CYRIB: variants seen among roughly 807,000 people sequenced by gnomAD.
CYRIB encodes CYFIP-related Rac1 interactor B.
CYRIB carries 8 observed loss-of-function variants against 44.2 expected under a neutral mutation model. That is an observed-to-expected ratio of 0.18 (90% confidence interval 0.11 to 0.33). CYRIB has a LOEUF of 0.33. Ranked by LOEUF, CYRIB falls within the 10% of genes least tolerant of loss-of-function variation. The pLI is 1.00. For synonymous variants in CYRIB, 131 were observed against 127.2 expected (o/e 1.03, Z -0.20); for missense variants, 185 against 382.8 (o/e 0.48, Z 4.31).
intron 2 of CYRIB, among the ~76,000 whole-genome samples, chr8:129,967,827 CTGAAAGGACATCTAATCCTTACGTCTTCT>C (rs2095546572): frequency 6.6e-6 from 1 of 152,206 alleles, no homozygotes; most frequent in South Asian, 2.1e-4. Flanking sequence ...TGGAAGATGT[CTGAAAGGACATCTAATCCTTACGTCTTCT>C]AATACTGCCT....
chr8:129,942,321 G>A (rs1044347006), upstream of CYRIB, among the ~76,000 whole-genome samples: 1 of 152,108 alleles, frequency 6.6e-6, no homozygotes, highest in South Asian at 2.1e-4. Flanking sequence ...CCTGGATGAC[G>A]AGCGAAACAC....
At chr8:129,952,587 C>T (rs187258985) in intron 2 of CYRIB, among the ~76,000 whole-genome samples, 183 of 151,986 alleles carry the variant, frequency 1.2e-3, no homozygotes, top group African/African-American at 4.1e-3. Context: ...ACGTTTTGAA[C>T]CATTTTGTTT....
intron 4 of CYRIB, among the ~76,000 whole-genome samples, chr8:129,867,793 T>C (rs920059811): frequency 6.6e-6 from 1 of 152,230 alleles, no homozygotes; most frequent in Non-Finnish European, 1.5e-5. Flanking sequence ...ATACCAGTTT[T>C]TACATTGACA....
intron 1 of CYRIB, among the ~76,000 whole-genome samples, chr8:130,003,367 T>C (rs1564769588): frequency 1.3e-5 from 2 of 152,206 alleles, no homozygotes; most frequent in African/African-American, 2.4e-5. Context: ...TCAATTGCAA[T>C]AGTTGCCCAG....
intron 4 of CYRIB, among the ~76,000 whole-genome samples, chr8:129,869,566 C>T (rs1403522487): frequency 6.6e-6 from 1 of 151,932 alleles, no homozygotes; most frequent in Non-Finnish European, 1.5e-5. Flanking sequence ...TAATTAAGAT[C>T]CTACTAAATC....
chr8:129,908,697 A>G (rs114375627), intron 1 of CYRIB, among the ~76,000 whole-genome samples: 2,308 of 152,212 alleles, frequency 0.015, 67 homozygotes, highest in African/African-American at 0.053. Flanking sequence ...AACCATGTCT[A>G]ACAGCACCAG....
intron 2 of CYRIB, among the ~76,000 whole-genome samples, chr8:129,956,384 C>T (rs557512513): frequency 3.1e-4 from 47 of 152,254 alleles, no homozygotes; most frequent in African/African-American, 1.1e-3. Flanking sequence ...TTGTGTCCCA[C>T]CCCTAGAGTC....
chr8:130,015,345 C>T (rs552411947), intron 1 of CYRIB, among the ~76,000 whole-genome samples: 32 of 152,190 alleles, frequency 2.1e-4, no homozygotes, highest in Non-Finnish European at 4.0e-4. Flanking sequence ...CACTTTCTAT[C>T]ACTGCGCCCC....
chr8:129,962,719 C>G (rs932711819), intron 2 of CYRIB, among the ~76,000 whole-genome samples: 2 of 152,172 alleles, frequency 1.3e-5, no homozygotes, highest in Non-Finnish European at 2.9e-5. Context: ...AAACCCCACT[C>G]GGGGTATTGC....
intron 2 of CYRIB, among the ~76,000 whole-genome samples, chr8:129,967,333 T>C (rs1260915936): frequency 6.6e-6 from 1 of 152,042 alleles, no homozygotes; most frequent in Non-Finnish European, 1.5e-5. Flanking sequence ...CTTTTCTTTC[T>C]TCTTTTTCTT....
intron 2 of CYRIB, among the ~76,000 whole-genome samples, chr8:129,962,350 G>A (rs1192427319): frequency 1.3e-5 from 2 of 152,154 alleles, no homozygotes; most frequent in Non-Finnish European, 2.9e-5. Context: ...GAGGGAGGCA[G>A]GATGATTGCT....
At chr8:129,883,062 G>C (rs1194330614) in intron 2 of CYRIB, among the ~76,000 whole-genome samples, 2 of 117,212 alleles carry the variant, frequency 1.7e-5, no homozygotes, top group African/African-American at 3.3e-5. Context: ...AGGGAGCCAA[G>C]ATCACGCCAC....
At chr8:129,853,778 A>G (rs187517284) in intron 7 of CYRIB, among the ~76,000 whole-genome samples, 3 of 152,360 alleles carry the variant, frequency 2.0e-5, no homozygotes, top group East Asian at 1.9e-4. Flanking sequence ...TCAAACAGCT[A>G]TATCAGGCAC....
intron 2 of CYRIB, among the ~76,000 whole-genome samples, chr8:129,951,362 A>C (rs114695855): frequency 0.013 from 2,049 of 151,856 alleles, 53 homozygotes; most frequent in African/African-American, 0.047. Context: ...GGTTCTCAAT[A>C]CATTAAAATC....
chr8:130,015,161 C>A (rs906131571), intron 1 of CYRIB, among the ~76,000 whole-genome samples: 1 of 152,124 alleles, frequency 6.6e-6, no homozygotes, highest in Non-Finnish European at 1.5e-5. Context: ...CCCTGGAGAT[C>A]CTGGATGGAT....
intron 1 of CYRIB, among the ~76,000 whole-genome samples, chr8:129,920,988 G>A (rs113127398): frequency 1.3e-5 from 2 of 152,098 alleles, no homozygotes; most frequent in Admixed American, 1.3e-4. Flanking sequence ...GAAAAAAATT[G>A]TAAGTACTAA....
intron 1 of CYRIB, among the ~76,000 whole-genome samples, chr8:129,935,947 T>C (rs2092719647): frequency 6.6e-6 from 1 of 152,224 alleles, no homozygotes; most frequent in South Asian, 2.1e-4. Context: ...AAGAATGATT[T>C]CTTTGTTTAA....
intron 2 of CYRIB, among the ~76,000 whole-genome samples, chr8:129,887,209 C>T (rs538150831): frequency 6.6e-6 from 1 of 152,238 alleles, no homozygotes; most frequent in East Asian, 1.9e-4. Flanking sequence ...CTCCCTGCAT[C>T]CCAGCCACTC....
intron 1 of CYRIB, among the ~76,000 whole-genome samples, chr8:129,930,696 G>C (rs141577273): frequency 7.9e-5 from 12 of 151,892 alleles, no homozygotes; most frequent in African/African-American, 2.9e-4. Context: ...TCAACATACT[G>C]TTCTATAAAT....
Sources: gnomAD v4.1 joint callset for allele counts (sites outside exome capture counted in the v4.1 genomes callset) on GRCh38, gnomAD v4.1.1 for gene constraint, MANE v1.5 for transcripts, NCBI Gene and HGNC (gene_info 2026-07-23, HGNC 2026-07-21) for gene names.